The following NXPE4 variants were observed in gnomAD, a reference collection of about 807,000 sequenced individuals.
NXPE4 encodes the protein NXPE family member 4.
A neutral mutation model predicts 33.3 loss-of-function variants in NXPE4; 42 were observed. The ratio of observed to expected loss-of-function variants is 1.26; its 90% CI spans 0.98 to 1.63. NXPE4 has a LOEUF of 1.63. Among genes scored for constraint, NXPE4 ranks in the 40% most tolerant of loss-of-function variants. The probability of loss-of-function intolerance (pLI) is 0.00; values close to 1 mark genes in which losing one functional copy is unlikely to be tolerated. For missense variants in NXPE4, 709 were observed against 647.6 expected (o/e 1.09, Z -1.03); for synonymous variants, 253 against 234.9 (o/e 1.08, Z -0.71).
chr11:114,658,916 C>T, the NXPE4 span, among the ~76,000 whole-genome samples: 2 of 152,110 alleles, frequency 1.3e-5, no homozygotes, highest in Admixed American at 1.3e-4. Flanking sequence ...AGCAATCTAC[C>T]ATGGAAGAAG....
the NXPE4 span, among the ~76,000 whole-genome samples, chr11:114,669,457 C>T: frequency 1.3e-5 from 2 of 152,038 alleles, no homozygotes; most frequent in African/African-American, 4.8e-5. Context: ...CCTTTTCATT[C>T]CTTCCAGTTG....
chr11:114,611,727 C>T, the NXPE4 span, among the ~76,000 whole-genome samples: 1 of 150,860 alleles, frequency 6.6e-6, no homozygotes, highest in Non-Finnish European at 1.5e-5. Context: ...TTGTGGGTCA[C>T]CATTGTTAGC....
chr11:114,595,202 T>C (rs1055423353), intron 1 of NXPE4, among the ~76,000 whole-genome samples: 14 of 152,174 alleles, frequency 9.2e-5, no homozygotes, highest in Admixed American at 2.6e-4. Flanking sequence ...AATTAGTTTT[T>C]CTGTTTCATT....
At chr11:114,615,731 G>A in the NXPE4 span, among the ~76,000 whole-genome samples, 2 of 151,144 alleles carry the variant, frequency 1.3e-5, no homozygotes, top group Non-Finnish European at 2.9e-5. Flanking sequence ...ATTGCCTCAC[G>A]GGTAACCGCT....
chr11:114,669,201 G>A, the NXPE4 span, among the ~76,000 whole-genome samples: 1 of 152,024 alleles, frequency 6.6e-6, no homozygotes, highest in Admixed American at 6.6e-5. Flanking sequence ...AACAAACAAT[G>A]ATTTAAAGTC....
the NXPE4 span, among the ~76,000 whole-genome samples, chr11:114,608,980 G>T: frequency 6.6e-6 from 1 of 151,838 alleles, no homozygotes; most frequent in Non-Finnish European, 1.5e-5. Context: ...TGCCTCGTGG[G>T]TAACCACTGT....
intron 2 of NXPE4, among the ~76,000 whole-genome samples, chr11:114,586,659 G>A (rs1346332013): frequency 1.3e-5 from 2 of 152,114 alleles, no homozygotes; most frequent in Non-Finnish European, 2.9e-5. Flanking sequence ...GGCACTGAAG[G>A]TTCCTTGCCA....
chr11:114,617,802 G>A, the NXPE4 span, among the ~76,000 whole-genome samples: 2 of 151,944 alleles, frequency 1.3e-5, no homozygotes, highest in East Asian at 1.9e-4. Flanking sequence ...ACGGTTACCC[G>A]ATGGATAATA....
the NXPE4 span, among the ~76,000 whole-genome samples, chr11:114,619,806 T>C: frequency 6.6e-6 from 1 of 152,108 alleles, no homozygotes; most frequent in South Asian, 2.1e-4. Flanking sequence ...GAGTAACCAC[T>C]GTTACCCAGT....
the NXPE4 span, among the ~76,000 whole-genome samples, chr11:114,617,127 C>T: frequency 3.3e-5 from 5 of 150,616 alleles, no homozygotes; most frequent in Admixed American, 3.3e-4. Context: ...ACCACTGTTA[C>T]CCTGTGGATA....
At chr11:114,652,857 C>G in the NXPE4 span, among the ~76,000 whole-genome samples, 1 of 152,154 alleles carries the variant, frequency 6.6e-6, no homozygotes, top group Non-Finnish European at 1.5e-5. Flanking sequence ...AGAGCATTTT[C>G]CATTTGGTAC....
At chr11:114,629,841 AT>A in the NXPE4 span, among the ~76,000 whole-genome samples, 2 of 150,602 alleles carry the variant, frequency 1.3e-5, no homozygotes, top group African/African-American at 4.9e-5. Flanking sequence ...TACAAAATCA[AT>A]GTACAAAAAT....
the NXPE4 span, among the ~76,000 whole-genome samples, chr11:114,620,449 T>C: frequency 3.3e-5 from 5 of 151,992 alleles, no homozygotes; most frequent in Non-Finnish European, 7.4e-5. Flanking sequence ...ACCCAGTGGG[T>C]ATTAATTGTT....
the NXPE4 span, among the ~76,000 whole-genome samples, chr11:114,635,027 G>A: frequency 6.6e-6 from 1 of 151,840 alleles, no homozygotes; most frequent in South Asian, 2.1e-4. Flanking sequence ...TGATGGGGAT[G>A]GCATTGAGTC....
the NXPE4 span, among the ~76,000 whole-genome samples, chr11:114,608,293 A>G: frequency 4.6e-5 from 7 of 151,888 alleles, no homozygotes; most frequent in African/African-American, 1.7e-4. Flanking sequence ...CCAGTATTTA[A>G]TAAGTGTTGC....
chr11:114,658,564 A>G, the NXPE4 span, among the ~76,000 whole-genome samples: 163 of 152,252 alleles, frequency 1.1e-3, no homozygotes, highest in African/African-American at 3.9e-3. Flanking sequence ...TCTTCTAAGA[A>G]CACTAAAGTG....
At chr11:114,650,339 C>A in the NXPE4 span, among the ~76,000 whole-genome samples, 1 of 152,174 alleles carries the variant, frequency 6.6e-6, no homozygotes. Context: ...TAGCTGGGAT[C>A]ACCAGAAAAG....
the NXPE4 span, among the ~76,000 whole-genome samples, chr11:114,644,870 A>G: frequency 2.6e-5 from 4 of 152,264 alleles, no homozygotes; most frequent in African/African-American, 4.8e-5. Context: ...TTGCATAGCT[A>G]TAAACAAATT....
the NXPE4 span, among the ~76,000 whole-genome samples, chr11:114,607,744 G>A: frequency 3.3e-4 from 49 of 150,258 alleles, no homozygotes; most frequent in East Asian, 1.8e-3. Context: ...ACAGTTGCCC[G>A]GTGGATAATA....
Sources: allele counts gnomAD v4.1 joint callset (sites outside exome capture counted in the v4.1 genomes callset), GRCh38; gene constraint gnomAD v4.1.1; transcripts MANE v1.5; gene names NCBI Gene and HGNC (gene_info 2026-07-23, HGNC 2026-07-21).